The following NRG1 variants were observed in gnomAD, a reference collection of about 807,000 sequenced individuals.
NRG1 encodes pro-neuregulin-1, membrane-bound isoform.
NRG1 carries 18 observed loss-of-function variants against 63.8 expected under a neutral mutation model. That is an observed-to-expected ratio of 0.28 (90% CI 0.19 to 0.42). The LOEUF (loss-of-function observed/expected upper bound fraction) is 0.42. NRG1 is among the 10% of genes least tolerant of loss of function. NRG1 has a pLI of 1.00. For synonymous variants in NRG1, 302 were observed against 301.3 expected, an observed-to-expected ratio of 1.00 and a Z score of -0.02; for missense variants, 762 against 814.7, an observed-to-expected ratio of 0.94 and a Z score of 0.79.
intron 1 of NRG1, among the ~76,000 whole-genome samples, chr8:32,195,035 A>G (rs1585999808): frequency 6.6e-6 from 1 of 152,172 alleles, no homozygotes; most frequent in East Asian, 1.9e-4. Context: ...AAGGTACTTC[A>G]TCAACACCAT....
intron 1 of NRG1, among the ~76,000 whole-genome samples, chr8:31,864,073 G>T (rs956527282): frequency 5.9e-5 from 9 of 152,152 alleles, no homozygotes; most frequent in South Asian, 2.1e-4. Flanking sequence ...TATTTAATTT[G>T]TCATGTCTGT....
chr8:32,685,864 C>A (rs2128925446), intron 5 of NRG1, among the ~76,000 whole-genome samples: 1 of 152,304 alleles, frequency 6.6e-6, no homozygotes, highest in African/African-American at 2.4e-5. Flanking sequence ...AATCTTCCAG[C>A]TTGAGAACCT....
intron 1 of NRG1, among the ~76,000 whole-genome samples, chr8:32,559,416 A>G (rs1835917518): frequency 6.6e-6 from 1 of 152,142 alleles, no homozygotes; most frequent in African/African-American, 2.4e-5. Context: ...TTCTTTGGGT[A>G]ATGACTGATA....
chr8:32,037,197 G>C (rs1265558826), intron 1 of NRG1, among the ~76,000 whole-genome samples: 1 of 152,154 alleles, frequency 6.6e-6, no homozygotes, highest in Non-Finnish European at 1.5e-5. Context: ...CTTACATAGG[G>C]CTGCAGCCAT....
intron 5 of NRG1, among the ~76,000 whole-genome samples, chr8:32,652,362 G>T (rs984659147): frequency 6.6e-6 from 1 of 152,022 alleles, no homozygotes; most frequent in African/African-American, 2.4e-5. Context: ...AAACAGCATG[G>T]GTTGCCTAGG....
intron 1 of NRG1, among the ~76,000 whole-genome samples, chr8:32,412,399 CCTCTCTCTCTCT>C (rs36067415): frequency 1.1e-5 from 1 of 93,014 alleles, no homozygotes; most frequent in Admixed American, 1.4e-4. Flanking sequence ...CTCTCTCTCT[CCTCTCTCTCTCT>C]CTCTCTCTCT....
chr8:32,106,570 C>T (rs1831287698), intron 1 of NRG1, among the ~76,000 whole-genome samples: 2 of 152,114 alleles, frequency 1.3e-5, no homozygotes, highest in South Asian at 4.1e-4. Context: ...ATGATGAGCT[C>T]ATAAAATATG....
chr8:32,629,934 A>ATATT (rs1194484697), intron 5 of NRG1, among the ~76,000 whole-genome samples: 1 of 152,238 alleles, frequency 6.6e-6, no homozygotes, highest in African/African-American at 2.4e-5. Context: ...TGACAATAAT[A>ATATT]TATTTTAATA....
rs754777498 is a variant in NRG1 at position 32,646,881 on chromosome 8, C to T, written c.502+29996C>T. The T allele has an allele frequency of 4.1e-5, 39 of 949,954 alleles. No individual in the cohort carries two copies. In the East Asian group the frequency reaches 8.9e-4, roughly 22 times the overall value. The allele number at this position is 949,954 out of a possible 1,614,324, so 58.8% of individuals were successfully genotyped here. On this transcript the variant is annotated intron_variant, in intron 5 of 11. Coordinates refer to ENST00000356819, the Ensembl canonical transcript of NRG1. ...GCAGCTCTAGAGTGTGGGTAGAGAG[C>T]GGGGAGTGGGGGTTGGGAGAGGGGG...
At chr8:32,669,800 G>A (rs1451145401) in intron 5 of NRG1, among the ~76,000 whole-genome samples, 1 of 152,190 alleles carries the variant, frequency 6.6e-6, no homozygotes, top group Non-Finnish European at 1.5e-5. Flanking sequence ...TTCCTAGCCA[G>A]ACTGGACCCT....
intron 1 of NRG1, among the ~76,000 whole-genome samples, chr8:31,887,864 G>A (rs555087136): frequency 1.3e-5 from 2 of 151,848 alleles, no homozygotes; most frequent in African/African-American, 4.8e-5. Flanking sequence ...CTGAAAGTAA[G>A]AGTTGTTAAA....
intron 1 of NRG1, among the ~76,000 whole-genome samples, chr8:31,949,159 G>A (rs1265344504): frequency 6.6e-6 from 1 of 152,180 alleles, no homozygotes; most frequent in East Asian, 1.9e-4. Context: ...GTCAGGCAGT[G>A]TGCTAAGCAC....
chr8:31,812,691 C>T (rs977616930), intron 1 of NRG1, among the ~76,000 whole-genome samples: 12 of 143,526 alleles, frequency 8.4e-5, no homozygotes, highest in African/African-American at 3.1e-4. Flanking sequence ...CTCCTCTCTT[C>T]TCCTCTTTCT....
chr8:32,717,642 GA>G (rs1175288411), intron 5 of NRG1, among the ~76,000 whole-genome samples: 1 of 152,136 alleles, frequency 6.6e-6, no homozygotes, highest in African/African-American at 2.4e-5. Flanking sequence ...TGTGTTTGTG[GA>G]AACATAAACT....
intron 1 of NRG1, among the ~76,000 whole-genome samples, chr8:32,137,009 G>T (rs7016491): frequency 0.44 from 66,801 of 151,818 alleles, 16,161 homozygotes; most frequent in Admixed American, 0.54. Context: ...TTTTACAGAG[G>T]CATATACTCT....
chr8:31,704,668 TA>T (rs1441391959), intron 1 of NRG1, among the ~76,000 whole-genome samples: 1 of 151,632 alleles, frequency 6.6e-6, no homozygotes, highest in Admixed American at 6.6e-5. Context: ...CCGTCTCTAC[TA>T]AAAATACAAA....
chr8:31,791,205 CAAAAAA>C (rs35966484), intron 1 of NRG1, among the ~76,000 whole-genome samples: 1 of 98,702 alleles, frequency 1.0e-5, no homozygotes, highest in Non-Finnish European at 2.2e-5. Flanking sequence ...GAAACTGTGC[CAAAAAA>C]AAAAAAAAAG....
rs369616309 is a variant in NRG1, at chr8:32,499,767, C to T, written c.38-96061C>T. Among the ~76,000 whole-genome samples, 9 of 152,158 alleles carry T rather than the reference C, an allele frequency of 5.9e-5. No individual in the cohort carries two copies. The East Asian group carries it at 7.7e-4, about 13-fold the overall frequency. On this transcript the variant is annotated intron_variant, in intron 1 of 10. Transcript: ENST00000519301. ...GGCAGTCTCAGTCACGTGCATTTCC[C>T]GGAGTTTGAAGGAACATGTTCTGGT...
intron 1 of NRG1, among the ~76,000 whole-genome samples, chr8:31,976,150 A>G (rs145505064): frequency 2.6e-5 from 4 of 152,300 alleles, no homozygotes; most frequent in African/African-American, 7.2e-5. Context: ...TGAGGATATC[A>G]ACATTAGCTG....
Sources: allele counts gnomAD v4.1 joint callset (sites outside exome capture counted in the v4.1 genomes callset), GRCh38; gene constraint gnomAD v4.1.1; transcripts MANE v1.5; gene names NCBI Gene and HGNC (gene_info 2026-07-23, HGNC 2026-07-21).